PPP2R2C: variants seen among roughly 807,000 people sequenced by gnomAD.
PPP2R2C encodes the protein protein phosphatase 2 regulatory subunit Bgamma.
A neutral mutation model predicts 45.3 loss-of-function variants in PPP2R2C; 10 were observed. The observed-to-expected ratio is 0.22, with a 90% CI of 0.14 to 0.37. PPP2R2C has a LOEUF of 0.37. Ranked by LOEUF, PPP2R2C falls within the 10% of genes least tolerant of loss-of-function variation. The probability of loss-of-function intolerance (pLI) is 1.00; values close to 1 mark genes in which losing one functional copy is unlikely to be tolerated. For synonymous variants in PPP2R2C, 257 were observed against 245.4 expected (o/e 1.05, Z -0.44); for missense variants, 308 against 619.7 (o/e 0.50, Z 5.34).
chr4:6,504,246 A>G lies in PPP2R2C; in HGVS notation c.49+31025T>C, dbSNP rs1324436696. Among the ~76,000 whole-genome samples the G allele has an allele frequency of 2.6e-5, 4 of 152,194 alleles. No homozygotes were observed. The South Asian group carries it at 8.3e-4, about 31-fold the overall frequency. On this transcript the variant is annotated intron_variant, in intron 2 of 9. Transcript: ENST00000506140. ...AGGACAGATGTCAAACAGTCCACCAAAGGCTAAAAGAATTAAATGGAGGAT... is the reference window on the plus strand; with the variant it reads ...AGGACAGATGTCAAACAGTCCACCAGAGGCTAAAAGAATTAAATGGAGGAT...
chr4:6,396,094 G>A (rs746672303), intron 1 of PPP2R2C, among the ~76,000 whole-genome samples: 70 of 152,330 alleles, frequency 4.6e-4, no homozygotes, highest in Non-Finnish European at 7.5e-4. Context: ...GGCAGCCCTG[G>A]CAGGTGCGTG....
intron 1 of PPP2R2C, among the ~76,000 whole-genome samples, chr4:6,412,765 G>C (rs891948096): frequency 2.0e-5 from 3 of 152,170 alleles, no homozygotes; most frequent in Non-Finnish European, 4.4e-5. Flanking sequence ...GGTGTTAGGA[G>C]GTGGGGCCTT....
At chr4:6,509,532 G>A (rs1176756375) in intron 2 of PPP2R2C, among the ~76,000 whole-genome samples, 2 of 152,150 alleles carry the variant, frequency 1.3e-5, no homozygotes, top group Non-Finnish European at 1.5e-5. Flanking sequence ...GGGAAATGGT[G>A]TGTTTAATAA....
intron 6 of PPP2R2C, among the ~76,000 whole-genome samples, chr4:6,346,786 G>A (rs139251364): frequency 0.016 from 2,383 of 152,288 alleles, 22 homozygotes; most frequent in Middle Eastern, 0.027. Flanking sequence ...GACACCCTAA[G>A]GGAACAGTGT....
At chr4:6,510,705 C>G (rs1467267846) in intron 2 of PPP2R2C, among the ~76,000 whole-genome samples, 1 of 152,090 alleles carries the variant, frequency 6.6e-6, no homozygotes, top group South Asian at 2.1e-4. Flanking sequence ...AGGCCGGGCA[C>G]GGTGTCTCAC....
At chr4:6,334,612 C>A (rs944809154) in intron 6 of PPP2R2C, among the ~76,000 whole-genome samples, 1 of 152,098 alleles carries the variant, frequency 6.6e-6, no homozygotes, top group Non-Finnish European at 1.5e-5. Flanking sequence ...GGACTAGGAC[C>A]CCTGTTGGGC....
chr4:6,528,801 C>G (rs1461624586), intron 2 of PPP2R2C, among the ~76,000 whole-genome samples: 1 of 152,198 alleles, frequency 6.6e-6, no homozygotes, highest in African/African-American at 2.4e-5. Flanking sequence ...AGCTCCCCTA[C>G]TGAGCACCTT....
Position 6,381,195 on chromosome 4 carries a change from G to A in PPP2R2C, c.71-101C>T, listed in dbSNP as rs1039122242. ...CAATGGCGAGCTCCCCGCTCCCCGAGGCCCCACAGCCCTGGGCAGGAGGCA... is the reference window on the plus strand; with the variant it reads ...CAATGGCGAGCTCCCCGCTCCCCGAAGCCCCACAGCCCTGGGCAGGAGGCA... On this transcript the variant is annotated intron_variant, in intron 1 of 8. Coordinates refer to ENST00000382599, the MANE Select transcript of PPP2R2C (RefSeq NM_020416.4). The A allele has an allele frequency of 5.2e-6, 8 of 1,545,286 alleles. No homozygotes were observed. In the African/African-American group the frequency reaches 1.1e-4, roughly 21 times the overall value.
intron 8 of PPP2R2C, among the ~76,000 whole-genome samples, chr4:6,326,578 G>A (rs1041883053): frequency 7.2e-5 from 11 of 152,178 alleles, no homozygotes; most frequent in African/African-American, 2.2e-4. Context: ...GGATCACTGC[G>A]GCACCCCTGC....
intron 1 of PPP2R2C, among the ~76,000 whole-genome samples, chr4:6,463,600 G>A (rs1320863023): frequency 2.6e-5 from 4 of 152,250 alleles, no homozygotes; most frequent in Non-Finnish European, 4.4e-5. Flanking sequence ...CTGCTCCCGG[G>A]CCGGCTGGCA....
intron 6 of PPP2R2C, among the ~76,000 whole-genome samples, chr4:6,339,453 G>A (rs1169752462): frequency 1.3e-5 from 2 of 152,254 alleles, no homozygotes; most frequent in Non-Finnish European, 2.9e-5. Context: ...TCCAGGCCTG[G>A]CAGAGAAGCC....
chr4:6,477,752 A>C (rs1338471464), intron 2 of PPP2R2C, among the ~76,000 whole-genome samples: 1 of 145,794 alleles, frequency 6.9e-6, no homozygotes, highest in South Asian at 2.2e-4. Flanking sequence ...AAAAAAAAAA[A>C]ACTGGAACTG....
At chr4:6,387,929 G>A (rs1239637282) in intron 1 of PPP2R2C, among the ~76,000 whole-genome samples, 4 of 152,188 alleles carry the variant, frequency 2.6e-5, no homozygotes, top group African/African-American at 9.7e-5. Context: ...TTAGAGACAA[G>A]GAAACTTGGT....
intron 1 of PPP2R2C, among the ~76,000 whole-genome samples, chr4:6,395,406 T>C (rs921468007): frequency 6.6e-6 from 1 of 152,194 alleles, no homozygotes; most frequent in African/African-American, 2.4e-5. Context: ...CAGACCAGTC[T>C]GACCAATGAG....
At chr4:6,528,402 C>T (rs1317625468) in intron 2 of PPP2R2C, among the ~76,000 whole-genome samples, 3 of 152,214 alleles carry the variant, frequency 2.0e-5, no homozygotes, top group East Asian at 1.9e-4. Flanking sequence ...AGCTGGTGAG[C>T]GCCCTGCCTC....
chr4:6,378,258 G>A lies in PPP2R2C; in HGVS notation c.334+149C>T. 6.8e-7 allele frequency: 1 copy of A among 1,477,456 alleles called. No homozygotes were observed. The highest frequency in any genetic ancestry group is 9.0e-7 in the Non-Finnish European group (1 of 1,107,366). 91.5% of individuals were successfully genotyped at this position (1,477,456 alleles called of 1,614,324 possible). On this transcript the variant is annotated intron_variant, in intron 3 of 8. Transcript: ENST00000382599. This position sits in a 1 kb window ranked among gnomAD's most constrained non-coding sequence, Gnocchi z 5.2. ...AGGGGGTCTGGCATACTCACTCATG[G>A]GATTTATATGCTGCTCAAAAAGGAT...
chr4:6,516,111 T>G (rs1723820993), intron 2 of PPP2R2C, among the ~76,000 whole-genome samples: 1 of 152,246 alleles, frequency 6.6e-6, no homozygotes, highest in African/African-American at 2.4e-5. Flanking sequence ...TCTGAGAAAC[T>G]GAATTAGGAC....
intron 5 of PPP2R2C, among the ~76,000 whole-genome samples, chr4:6,360,655 A>G (rs1713649144): frequency 6.6e-6 from 1 of 152,218 alleles, no homozygotes; most frequent in Admixed American, 6.5e-5. Context: ...TCATCTTGAA[A>G]AACTGCTTTT....
At chr4:6,445,985 C>G (rs1449472514) in intron 1 of PPP2R2C, among the ~76,000 whole-genome samples, 1 of 152,188 alleles carries the variant, frequency 6.6e-6, no homozygotes, top group African/African-American at 2.4e-5. Context: ...CTCCAAGGAC[C>G]CTGAAAGCCA....
Sources: allele counts gnomAD v4.1 joint callset (sites outside exome capture counted in the v4.1 genomes callset), GRCh38; gene constraint gnomAD v4.1.1; non-coding constraint Gnocchi (gnomAD v3.1); transcripts MANE v1.5; gene names NCBI Gene and HGNC (gene_info 2026-07-23, HGNC 2026-07-21).